FBP2: variants seen among roughly 807,000 people sequenced by gnomAD.
FBP2 encodes the protein fructose-1,6-bisphosphatase isozyme 2.
In FBP2, 27 loss-of-function variants were observed where a neutral mutation model predicts 31.6. That is an observed-to-expected ratio of 0.85 (90% CI 0.63 to 1.18). FBP2 has a LOEUF of 1.18. Among genes scored for constraint, FBP2 ranks in the 50% most tolerant of loss-of-function variants. The probability of loss-of-function intolerance (pLI) is 0.00; values close to 1 mark genes in which losing one functional copy is unlikely to be tolerated. For missense variants in FBP2, 421 were observed against 436.1 expected (o/e 0.97, Z 0.31); for synonymous variants, 168 against 179.8 (o/e 0.93, Z 0.53).
intron 4 of FBP2, chr9:94,569,440 A>G (rs747358735): frequency 1.3e-5 from 2 of 152,198 alleles, no homozygotes; most frequent in Admixed American, 1.3e-4. Flanking sequence ...GAGATGCACA[A>G]CTGTCATCTG....
In FBP2 at chr9:94,566,362, T is replaced by G. The variant is rs1827189929; in HGVS notation, c.705+908A>C. 2.6e-5 allele frequency among the ~76,000 whole-genome samples: 4 copies of G among 152,258 alleles called. No homozygotes were observed. The South Asian group carries it at 8.3e-4, about 31-fold the overall frequency. On this transcript the variant is annotated intron_variant, in intron 5 of 6. Transcript: ENST00000375337. ...TGGCCCGCCCAGGGTGGAAAACCGC[T>G]TAAAGGCATTCTTAAGCCACAAACA...
intron 5 of FBP2, 29 bp downstream of exon 5, chr9:94,567,241 C>G (rs1475895453): frequency 6.2e-6 from 10 of 1,613,128 alleles, no homozygotes; most frequent in Non-Finnish European, 8.5e-6. Flanking sequence ...AGCATTCTGT[C>G]TGCCACCCAC....
Position 94,584,603 on chromosome 9 carries a change from C to T in FBP2, c.400G>A (p.Gly134Arg), listed in dbSNP as rs760379773. 7.4e-6 allele frequency: 12 copies of T among 1,612,816 alleles called. No homozygotes were observed. Among genetic ancestry groups the T allele is most frequent in the Middle Eastern group, 1.6e-4 (1 of 6,082 alleles). The change falls in exon 3 of 7, where the codon GGA becomes AGA. Residue 134 changes from glycine to arginine, a missense_variant. Physicochemically the swap from Gly to Arg is moderately radical, Grantham distance 125. Coordinates refer to ENST00000375337, the MANE Select transcript of FBP2 (RefSeq NM_003837.4). ...TTTCTATAGATGGCAAAGATGGTTC[C>T]GATGGAGGCCAGGCAGTCAATATTG... ...SSNIDCLASI[G>R]TIFAIYRKTS...
chr9:94,580,228 C>T (rs1166959451), intron 3 of FBP2, among the ~76,000 whole-genome samples: 2 of 152,098 alleles, frequency 1.3e-5, no homozygotes, highest in Non-Finnish European at 2.9e-5. Context: ...TCTGTATTGC[C>T]TTTTATTTGT....
chr9:94,578,828 C>T (rs1263749452), intron 3 of FBP2, among the ~76,000 whole-genome samples: 2 of 151,480 alleles, frequency 1.3e-5, no homozygotes, highest in Non-Finnish European at 2.9e-5. Flanking sequence ...CTGAGGCAGG[C>T]GGATCACAAG....
At position 94,559,149 on chromosome 9, in the gene FBP2, G is replaced by T; in HGVS notation, c.826-17C>A. The T allele has an allele frequency of 6.2e-7, 1 of 1,603,942 alleles. No individual in the cohort carries two copies. The highest frequency in any genetic ancestry group is 8.5e-7 in the Non-Finnish European group (1 of 1,173,516). On this transcript the variant is annotated splice_polypyrimidine_tract_variant and intron_variant, in intron 6 of 6. Transcript: ENST00000375337. ...GAGCCGGAGCTGTGGAGGAACAGAG[G>T]CAGGTGAGTAAACTCTGCAAGTGGC...
rs754526159 is a variant in FBP2 at position 94,571,453 on chromosome 9, T to C, written c.567+9A>G. On this transcript the variant is annotated intron_variant, in intron 4 of 6. Transcript: ENST00000375337. ...CCCAGGCACAGATGATGCCATATTC[T>C]GTACCTACCGGGTCAAGCATGAAGA... 7.5e-6 allele frequency: 12 copies of C among 1,606,436 alleles called. No homozygotes were observed. The highest frequency in any genetic ancestry group is 4.0e-5 in the African/African-American group (3 of 74,726).
At chr9:94,563,606 T>C in intron 5 of FBP2, 145 bp from the exon 6 acceptor site, 1 of 894,624 alleles carries the variant, frequency 1.1e-6, no homozygotes, top group Non-Finnish European at 1.7e-6. Context: ...GAAAAGATTA[T>C]ATAATTGTGC....
chr9:94,574,101 TTC>T (rs1414751901), intron 3 of FBP2, among the ~76,000 whole-genome samples: 5 of 152,212 alleles, frequency 3.3e-5, no homozygotes, highest in African/African-American at 4.8e-5. Context: ...GTTTCTAATA[TTC>T]TCTTTTTATC....
At chr9:94,584,445 G>T (rs1284220496) in intron 3 of FBP2, 132 bp downstream of exon 3, 34 of 639,566 alleles carry the variant, frequency 5.3e-5, no homozygotes, top group Non-Finnish European at 9.1e-5. Flanking sequence ...AAAAGTTGGT[G>T]GTTTGCCTAC....
intron 2 of FBP2, among the ~76,000 whole-genome samples, chr9:94,585,267 TA>T (rs112310825): frequency 3.3e-5 from 5 of 151,814 alleles, no homozygotes; most frequent in Non-Finnish European, 7.4e-5. Context: ...TCCAATTTTT[TA>T]AAAAAAAATC....
At chr9:94,564,161 C>G (rs1827151703) in intron 5 of FBP2, among the ~76,000 whole-genome samples, 1 of 152,154 alleles carries the variant, frequency 6.6e-6, no homozygotes, top group South Asian at 2.1e-4. Context: ...ACTCTCCACC[C>G]AAAACCAGAA....
In FBP2 at chr9:94,558,848, A is replaced by G; in HGVS notation, c.*90T>C. ...GATTAAGTGGATTTACCTTTTGTAT[A>G]CTCATAGCTACCATCTCTGTTTATC... On this transcript the variant is annotated 3_prime_UTR_variant, in exon 7 of 7. Transcript: ENST00000375337. 1 of 1,231,404 alleles carries G rather than the reference A, an allele frequency of 8.1e-7. No homozygotes were observed. The allele number at this position is 1,231,404 out of a possible 1,614,324, so 76.3% of individuals were successfully genotyped here. A position where few individuals can be genotyped will look rare whatever the true frequency, so the allele number is the denominator to read the frequency against.
chr9:94,589,557 G>A (rs549528273), intron 1 of FBP2, among the ~76,000 whole-genome samples: 4 of 152,342 alleles, frequency 2.6e-5, no homozygotes, highest in African/African-American at 9.6e-5. Context: ...TGAGTTATGA[G>A]GAAAGGATGG....
intron 1 of FBP2, among the ~76,000 whole-genome samples, chr9:94,592,837 G>C (rs748449721): frequency 1.3e-5 from 2 of 152,128 alleles, no homozygotes; most frequent in Non-Finnish European, 2.9e-5. Flanking sequence ...CTGGCCACCG[G>C]ATTCTTTTTA....
At position 94,563,462 on chromosome 9, in the gene FBP2, C is replaced by T; in HGVS notation, c.706-1G>A. 1 of 1,612,586 alleles carries T rather than the reference C, an allele frequency of 6.2e-7. No individual in the cohort carries two copies. The highest frequency in any genetic ancestry group is 2.2e-5 in the East Asian group (1 of 44,832). ...TGGCCCCATAGGGAGCACTGCCATCCTAGAAGACAGAAAGCGAAGAGACAA... is the reference window on the plus strand; with the variant it reads ...TGGCCCCATAGGGAGCACTGCCATCTTAGAAGACAGAAAGCGAAGAGACAA... On this transcript the variant is annotated splice_acceptor_variant, in intron 5 of 6. Coordinates refer to ENST00000375337, the MANE Select transcript of FBP2 (RefSeq NM_003837.4). LOFTEE classifies it high-confidence loss of function.
At chr9:94,576,317 T>C (rs1383107200) in intron 3 of FBP2, among the ~76,000 whole-genome samples, 1 of 152,226 alleles carries the variant, frequency 6.6e-6, no homozygotes, top group Non-Finnish European at 1.5e-5. Context: ...GATGGGAATC[T>C]GGCCACTTCC....
intron 2 of FBP2, 94 bp downstream of exon 2, chr9:94,587,213 G>C: frequency 9.4e-7 from 1 of 1,068,652 alleles, no homozygotes. Flanking sequence ...AGAAATAGAG[G>C]AGAATCCCGG....
intron 3 of FBP2, among the ~76,000 whole-genome samples, chr9:94,574,455 G>T (rs544300122): frequency 3.1e-4 from 47 of 151,990 alleles, no homozygotes; most frequent in African/African-American, 1.0e-3. Flanking sequence ...TTTTTATTTT[G>T]TAAGTTGTCT....
Sources: allele counts gnomAD v4.1 joint callset (sites outside exome capture counted in the v4.1 genomes callset), GRCh38; gene constraint gnomAD v4.1.1; transcripts MANE v1.5; gene names NCBI Gene and HGNC (gene_info 2026-07-23, HGNC 2026-07-21).